The following TEX36 variants were observed in gnomAD, a reference collection of about 807,000 sequenced individuals.
TEX36 encodes the protein testis-expressed protein 36.
TEX36 carries 12 observed loss-of-function variants against 13.6 expected under a neutral mutation model. The observed-to-expected ratio is 0.88, with a 90% CI of 0.56 to 1.43. The LOEUF is 1.43. Ranked by LOEUF, TEX36 falls within the 40% of genes most tolerant of loss-of-function variation. The pLI, the probability that TEX36 is intolerant of heterozygous loss-of-function variation, is 0.00. For missense variants in TEX36, 224 were observed against 228.3 expected (o/e 0.98, Z 0.12); for synonymous variants, 93 against 83.0 (o/e 1.12, Z -0.65).
Position 125,661,969 on chromosome 10 carries a change from G to T in TEX36, c.60C>A (p.His20Gln), listed in dbSNP as rs1206825268. The change falls in exon 2 of 4, where the codon CAC (histidine) becomes CAA (glutamine). Residue 20 changes from histidine (H) to glutamine (Q), a missense_variant. By Grantham distance (24) the His-to-Gln change is conservative. Transcript: ENST00000368821. ...PSDKDGRWFP[H>Q]IGLTQKTPES... ...CTGGTGTCTTTTGCGTTAGCCCGATGTGAGGGAACTGGAAGAACAGCACAC... is the reference window on the plus strand; with the variant it reads ...CTGGTGTCTTTTGCGTTAGCCCGATTTGAGGGAACTGGAAGAACAGCACAC... 1.3e-6 allele frequency: 2 copies of T among 1,552,274 alleles called. No homozygotes were observed. Among genetic ancestry groups the T allele is most frequent in the African/African-American group, 2.7e-5 (2 of 73,058 alleles).
chr10:125,593,954 G>A (rs1234557674), intron 3 of TEX36, among the ~76,000 whole-genome samples: 1 of 152,250 alleles, frequency 6.6e-6, no homozygotes, highest in African/African-American at 2.4e-5. Context: ...AAGAACAGAT[G>A]TGAGTCTTCC....
downstream of TEX36, among the ~76,000 whole-genome samples, chr10:125,618,388 C>A (rs1041879365): frequency 2.0e-5 from 3 of 152,196 alleles, no homozygotes; most frequent in African/African-American, 7.2e-5. Context: ...TCCAGTTTTT[C>A]TGCTCTGTTT....
At chr10:125,614,043 A>AT (rs1185091621) in intron 3 of TEX36, among the ~76,000 whole-genome samples, 4 of 152,064 alleles carry the variant, frequency 2.6e-5, no homozygotes, top group African/African-American at 4.8e-5. Context: ...GATGGTGAGC[A>AT]TTTTTTCACG....
chr10:125,654,501 G>A (rs541656399), downstream of TEX36, among the ~76,000 whole-genome samples: 3 of 152,274 alleles, frequency 2.0e-5, no homozygotes, highest in Non-Finnish European at 4.4e-5. Flanking sequence ...TAAATTTGGG[G>A]AAATGCCTAT....
At chr10:125,638,459 G>A (rs942308306) in intron 3 of TEX36, among the ~76,000 whole-genome samples, 1 of 152,174 alleles carries the variant, frequency 6.6e-6, no homozygotes, top group Non-Finnish European at 1.5e-5. Flanking sequence ...AGAGGGAAAA[G>A]AAATGGATTC....
chr10:125,616,910 G>A (rs1470147249), downstream of TEX36, among the ~76,000 whole-genome samples: 4 of 151,782 alleles, frequency 2.6e-5, no homozygotes, highest in African/African-American at 9.7e-5. Flanking sequence ...TTATTAATGT[G>A]TGGGAGTCTA....
intron 3 of TEX36, among the ~76,000 whole-genome samples, chr10:125,590,794 G>A (rs1846012434): frequency 6.6e-6 from 1 of 151,824 alleles, no homozygotes; most frequent in African/African-American, 2.4e-5. Context: ...GGATTGGTGT[G>A]GTTTACACAA....
intron 3 of TEX36, among the ~76,000 whole-genome samples, chr10:125,648,071 TG>T (rs1846799733): frequency 1.3e-5 from 2 of 152,184 alleles, no homozygotes; most frequent in African/African-American, 4.8e-5. Context: ...ACTTCACCTC[TG>T]GGGGCAGGGC....
chr10:125,620,212 G>A (rs1846413034), downstream of TEX36, among the ~76,000 whole-genome samples: 1 of 152,146 alleles, frequency 6.6e-6, no homozygotes, highest in Non-Finnish European at 1.5e-5. Flanking sequence ...TTCCAGAAAT[G>A]TACAAGCACT....
chr10:125,634,015 A>T (rs1846593600), intron 3 of TEX36, among the ~76,000 whole-genome samples: 1 of 152,136 alleles, frequency 6.6e-6, no homozygotes, highest in African/African-American at 2.4e-5. Flanking sequence ...TTCTTGGATT[A>T]AAACAAAAAA....
At chr10:125,610,951 T>A (rs1261990584) in intron 3 of TEX36, among the ~76,000 whole-genome samples, 2 of 152,098 alleles carry the variant, frequency 1.3e-5, no homozygotes, top group Non-Finnish European at 2.9e-5. Flanking sequence ...GTCACTCGAG[T>A]CATAGGTGCT....
downstream of TEX36, chr10:125,655,624 T>C (rs1589776208): frequency 1.8e-6 from 2 of 1,108,930 alleles, no homozygotes; most frequent in Non-Finnish European, 2.2e-6. Flanking sequence ...GTTTCCTCTG[T>C]ATGGTTTGAA....
At chr10:125,583,997 T>G (rs969293565) in intron 3 of TEX36, among the ~76,000 whole-genome samples, 3 of 151,846 alleles carry the variant, frequency 2.0e-5, no homozygotes, top group Non-Finnish European at 4.4e-5. Flanking sequence ...GTGGAGGGAG[T>G]GACACTGTGG....
rs559287872 is a variant in TEX36, at chr10:125,660,522, C to A, written c.264+499G>T. 2.6e-5 allele frequency among the ~76,000 whole-genome samples: 4 copies of A among 152,356 alleles called. No individual in the cohort carries two copies. In the South Asian group the frequency reaches 8.3e-4, roughly 32 times the overall value. On this transcript the variant is annotated intron_variant, in intron 3 of 3. Coordinates refer to ENST00000368821, the MANE Select transcript of TEX36 (RefSeq NM_001128202.3). ...TATGCATACAGTTTACACTACATTT[C>A]TATCACACAGTGCTGTGTGAACCAC...
intron 3 of TEX36, among the ~76,000 whole-genome samples, chr10:125,587,456 C>A (rs1447278062): frequency 2.6e-5 from 4 of 152,164 alleles, no homozygotes; most frequent in African/African-American, 7.2e-5. Context: ...TATTCTCACT[C>A]CTGGAAACAA....
At chr10:125,673,982 G>C (rs1847272880) in intron 1 of TEX36, among the ~76,000 whole-genome samples, 1 of 152,058 alleles carries the variant, frequency 6.6e-6, no homozygotes, top group Non-Finnish European at 1.5e-5. Context: ...TTTTAGGTTG[G>C]GGAAGTTCTG....
At chr10:125,600,343 G>T (rs1171061314) in intron 3 of TEX36, among the ~76,000 whole-genome samples, 2 of 152,110 alleles carry the variant, frequency 1.3e-5, no homozygotes, top group African/African-American at 4.8e-5. Context: ...GCTAGGGAGG[G>T]AAGAGATCTG....
chr10:125,673,749 C>A (rs1847269374), intron 1 of TEX36, among the ~76,000 whole-genome samples: 1 of 151,764 alleles, frequency 6.6e-6, no homozygotes, highest in South Asian at 2.1e-4. Context: ...AATATTGACC[C>A]CCAGTCTCTT....
intron 1 of TEX36, among the ~76,000 whole-genome samples, chr10:125,674,316 C>A (rs1376013307): frequency 2.0e-5 from 3 of 152,144 alleles, no homozygotes; most frequent in African/African-American, 7.2e-5. Flanking sequence ...ATTAACAGCT[C>A]CTGTTATGTT....
Sources: allele counts gnomAD v4.1 joint callset (sites outside exome capture counted in the v4.1 genomes callset), GRCh38; gene constraint gnomAD v4.1.1; transcripts MANE v1.5; gene names NCBI Gene and HGNC (gene_info 2026-07-23, HGNC 2026-07-21).